Variants in EDIL3 observed in about 807,000 individuals in gnomAD.
EDIL3 encodes EGF like and discoidin domains 3.
EDIL3 carries 37 observed loss-of-function variants against 67.4 expected under a neutral mutation model. The observed-to-expected ratio is 0.55, with a 90% CI of 0.42 to 0.72. The LOEUF (loss-of-function observed/expected upper bound fraction) is 0.72, where lower values mean the gene tolerates loss of function less well. Among genes scored for constraint, EDIL3 ranks in the 30% least tolerant of loss-of-function variants. EDIL3 has a pLI of 0.00. For missense variants in EDIL3, 527 were observed against 586.3 expected (o/e 0.90, Z 1.04); for synonymous variants, 195 against 196.3 (o/e 0.99, Z 0.05).
intron 9 of EDIL3, among the ~76,000 whole-genome samples, chr5:84,012,674 T>C (rs1228370353): frequency 6.6e-6 from 1 of 152,160 alleles, no homozygotes; most frequent in African/African-American, 2.4e-5. Flanking sequence ...ACTTTCTCAT[T>C]GAATTAAAAA....
intron 3 of EDIL3, among the ~76,000 whole-genome samples, chr5:84,210,957 C>A (rs1265307113): frequency 6.6e-6 from 1 of 152,176 alleles, no homozygotes; most frequent in African/African-American, 2.4e-5. Context: ...TTTAGTACAT[C>A]TACTGTCACT....
rs751799201 is a variant in EDIL3, at chr5:83,963,215, C to A, written c.1283G>T (p.Arg428Ile). Residue 428 changes from arginine to isoleucine, a missense_variant, in exon 10 of 11, where the codon AGA (arginine) becomes ATA (isoleucine). By Grantham distance (97) the Arg-to-Ile change is moderately conservative. Coordinates refer to ENST00000296591, the MANE Select transcript of EDIL3 (RefSeq NM_005711.5). ...ATTTGGCTGACTTACCTTATCTTTT[C>A]TTTGCTTTTCATCCTGGTATACAGT... is the stretch of plus-strand genomic sequence containing the variant. ...HWTVYQDEKQ[R>I]KDKVFQGNFD... The A allele has an allele frequency of 6.3e-7, 1 of 1,592,690 alleles. No individual in the cohort carries two copies. Among genetic ancestry groups the A allele is most frequent in the Non-Finnish European group, 8.5e-7 (1 of 1,171,656 alleles).
intron 4 of EDIL3, among the ~76,000 whole-genome samples, chr5:84,166,291 A>C (rs1748702061): frequency 6.6e-6 from 1 of 152,236 alleles, no homozygotes; most frequent in South Asian, 2.1e-4. Flanking sequence ...TTTTCTTCAC[A>C]TTAATTTTAT....
rs114320600 is a variant in EDIL3 at position 84,042,620 on chromosome 5, A to G, written c.1137+17680T>C. 5.6e-3 allele frequency among the ~76,000 whole-genome samples: 850 copies of G among 152,210 alleles called. 12 individuals are homozygous for G. Among genetic ancestry groups the G allele is most frequent in the African/African-American group, 0.02 (817 of 41,502 alleles). On this transcript the variant is annotated intron_variant, in intron 9 of 10. Coordinates refer to ENST00000296591, the MANE Select transcript of EDIL3 (RefSeq NM_005711.5). Reference sequence around the variant, plus strand: ...TTAATTGAACCTATTCTACTGAGTAAAAGTAAACAGGCACACCCCTGCTTC... The same window carrying G: ...TTAATTGAACCTATTCTACTGAGTAGAAGTAAACAGGCACACCCCTGCTTC...
chr5:84,003,157 T>C (rs1206333532), intron 9 of EDIL3, among the ~76,000 whole-genome samples: 1 of 152,200 alleles, frequency 6.6e-6, no homozygotes, highest in African/African-American at 2.4e-5. Flanking sequence ...CTGTTTTCAC[T>C]GTGAATCCCC....
chr5:84,122,461 A>AT (rs1561437784), intron 5 of EDIL3, among the ~76,000 whole-genome samples: 1 of 151,968 alleles, frequency 6.6e-6, no homozygotes, highest in Non-Finnish European at 1.5e-5. Context: ...TGCTGCACCC[A>AT]TTAACTCGTC....
chr5:84,059,801 TC>T (rs1326579672), intron 9 of EDIL3, among the ~76,000 whole-genome samples: 1 of 152,174 alleles, frequency 6.6e-6, no homozygotes, highest in Non-Finnish European at 1.5e-5. Context: ...CTCTGCAGTA[TC>T]TATGGTTTCC....
intron 10 of EDIL3, among the ~76,000 whole-genome samples, chr5:83,950,609 C>A (rs1000562354): frequency 1.3e-5 from 2 of 151,828 alleles, no homozygotes; most frequent in Non-Finnish European, 2.9e-5. Flanking sequence ...AGTATACTTT[C>A]TAAACTTTCT....
At chr5:84,060,507 C>T (rs1206451941) in intron 8 of EDIL3, 23 bp from the exon 9 acceptor site, 2 of 1,609,796 alleles carry the variant, frequency 1.2e-6, no homozygotes, top group Non-Finnish European at 1.7e-6. Flanking sequence ...GAGAAGGGCT[C>T]CATGAGAAAA....
At chr5:84,360,994 A>AT (rs1747585404) in intron 1 of EDIL3, among the ~76,000 whole-genome samples, 1 of 151,986 alleles carries the variant, frequency 6.6e-6, no homozygotes, top group Admixed American at 6.6e-5. Context: ...CATATTAAAT[A>AT]TTTTTCCATG....
At chr5:84,196,590 G>A (rs998967763) in intron 3 of EDIL3, among the ~76,000 whole-genome samples, 2 of 151,936 alleles carry the variant, frequency 1.3e-5, no homozygotes, top group African/African-American at 4.8e-5. Flanking sequence ...ATTGATGTGA[G>A]GACATAGAAC....
chr5:84,135,458 G>GT (rs374807527), intron 5 of EDIL3, among the ~76,000 whole-genome samples: 3 of 152,268 alleles, frequency 2.0e-5, no homozygotes, highest in African/African-American at 7.2e-5. Flanking sequence ...ACTGACATCA[G>GT]TTTTTTTGTT....
intron 3 of EDIL3, among the ~76,000 whole-genome samples, chr5:84,225,276 C>G (rs542540310): frequency 6.6e-6 from 1 of 151,684 alleles, no homozygotes. Flanking sequence ...ATCCCCTCTA[C>G]GAGTCAACAT....
At chr5:84,371,303 T>C (rs1293578158) in intron 1 of EDIL3, among the ~76,000 whole-genome samples, 2 of 117,838 alleles carry the variant, frequency 1.7e-5, no homozygotes. Context: ...TAGCAAGAGA[T>C]ACATATAGAT....
chr5:84,268,261 G>A lies in EDIL3; in HGVS notation c.68-14049C>T, dbSNP rs554818385. Among the ~76,000 whole-genome samples, 410 of 152,256 alleles carry A rather than the reference G, an allele frequency of 2.7e-3. 12 individuals carry two copies. The highest frequency in any genetic ancestry group is 4.0e-4 in the Non-Finnish European group (27 of 68,024). On this transcript the variant is annotated intron_variant, in intron 1 of 10. Coordinates refer to ENST00000296591, the MANE Select transcript of EDIL3 (RefSeq NM_005711.5). ...AAAATAGAGCTGTTAGCAGAATAATGAGCAACTTCTGGACTACATGGCTTA... is the reference window on the plus strand; with the variant it reads ...AAAATAGAGCTGTTAGCAGAATAATAAGCAACTTCTGGACTACATGGCTTA...
At chr5:84,143,723 T>C (rs192227561) in intron 4 of EDIL3, among the ~76,000 whole-genome samples, 3 of 152,180 alleles carry the variant, frequency 2.0e-5, no homozygotes, top group East Asian at 3.9e-4. Context: ...GTTATGTCTC[T>C]ATAACTCAAA....
intron 3 of EDIL3, among the ~76,000 whole-genome samples, chr5:84,205,600 G>A (rs1743957693): frequency 6.6e-6 from 1 of 151,900 alleles, no homozygotes; most frequent in South Asian, 2.1e-4. Context: ...TCCTGTTATT[G>A]GTCTATTCAG....
chr5:84,264,543 T>C (rs1342581488), intron 1 of EDIL3, among the ~76,000 whole-genome samples: 1 of 152,162 alleles, frequency 6.6e-6, no homozygotes, highest in South Asian at 2.1e-4. Context: ...TTTTACCAGA[T>C]AGGTGTGATG....
At chr5:84,028,030 T>C (rs1031731641) in intron 9 of EDIL3, among the ~76,000 whole-genome samples, 2 of 152,168 alleles carry the variant, frequency 1.3e-5, no homozygotes, top group African/African-American at 4.8e-5. Flanking sequence ...TGAACTCCAG[T>C]GTCCCAAGAA....
Sources: allele counts gnomAD v4.1 joint callset (sites outside exome capture counted in the v4.1 genomes callset), GRCh38; gene constraint gnomAD v4.1.1; transcripts MANE v1.5; gene names NCBI Gene and HGNC (gene_info 2026-07-23, HGNC 2026-07-21).